The following CHST11 variants were observed in gnomAD, a reference collection of about 807,000 sequenced individuals.
CHST11 encodes carbohydrate sulfotransferase 11.
CHST11 carries 9 observed loss-of-function variants against 30.4 expected under a neutral mutation model. The observed-to-expected ratio is 0.30, with a 90% CI of 0.18 to 0.52. CHST11 has a LOEUF of 0.52. Ranked by LOEUF, CHST11 falls within the 20% of genes least tolerant of loss-of-function variation. The probability of loss-of-function intolerance (pLI) is 0.97; values close to 1 mark genes in which losing one functional copy is unlikely to be tolerated. For synonymous variants in CHST11, 152 were observed against 187.8 expected, an observed-to-expected ratio of 0.81 and a Z score of 1.56; for missense variants, 348 against 460.6, an observed-to-expected ratio of 0.76 and a Z score of 2.24.
Position 104,476,146 on chromosome 12 carries a change from TAATA to T in CHST11, c.118+18622_118+18625del, listed in dbSNP as rs1354913129. Among the ~76,000 whole-genome samples the T allele has an allele frequency of 2.9e-3, 419 of 145,002 alleles. 4 individuals are homozygous for T. The highest frequency in any genetic ancestry group is 0.01 in the African/African-American group (400 of 39,922). On this transcript the variant is annotated intron_variant, in intron 1 of 2. Transcript: ENST00000303694. ...ATATAATATAATATATTATATATTA[TAATA>T]AATATATAAATAAATAGAATTATAA...
intron 1 of CHST11, among the ~76,000 whole-genome samples, chr12:104,523,286 T>C (rs559487413): frequency 1.3e-5 from 2 of 152,364 alleles, no homozygotes; most frequent in East Asian, 3.9e-4. Flanking sequence ...GGCTTAATAC[T>C]GGGAGAATTC....
At chr12:104,705,334 A>T (rs1010952794) in intron 2 of CHST11, among the ~76,000 whole-genome samples, 1 of 152,140 alleles carries the variant, frequency 6.6e-6, no homozygotes, top group Non-Finnish European at 1.5e-5. Flanking sequence ...CCGTTTTATT[A>T]TCTCTAGAAT....
At chr12:104,687,061 A>T (rs533710097) in intron 2 of CHST11, among the ~76,000 whole-genome samples, 1 of 152,374 alleles carries the variant, frequency 6.6e-6, no homozygotes, top group African/African-American at 2.4e-5. Context: ...GCCAAGGCTC[A>T]TGGTCCTTCT....
At chr12:104,756,301 G>A (rs2463438) in intron 2 of CHST11, among the ~76,000 whole-genome samples, 94,145 of 151,880 alleles carry the variant, frequency 0.62, 29,596 homozygotes, top group Middle Eastern at 0.73. Context: ...TTCCTGTTCT[G>A]GGTAGACTGT....
intron 2 of CHST11, among the ~76,000 whole-genome samples, chr12:104,654,982 A>G (rs997735185): frequency 5.9e-5 from 9 of 152,162 alleles, no homozygotes; most frequent in Non-Finnish European, 1.3e-4. Context: ...GCACTTAAGG[A>G]ACACACATGT....
chr12:104,669,140 T>A (rs2039667424), intron 2 of CHST11, among the ~76,000 whole-genome samples: 1 of 152,148 alleles, frequency 6.6e-6, no homozygotes, highest in Non-Finnish European at 1.5e-5. Flanking sequence ...AATCGCCCGC[T>A]GTGTCTCCTG....
At chr12:104,606,232 T>A (rs370133728) in intron 2 of CHST11, among the ~76,000 whole-genome samples, 9 of 151,262 alleles carry the variant, frequency 5.9e-5, no homozygotes, top group African/African-American at 1.9e-4. Context: ...AGGCCCCCAC[T>A]GAAATCTCTG....
At chr12:104,474,263 C>CA (rs1230666076) in intron 1 of CHST11, among the ~76,000 whole-genome samples, 1 of 152,104 alleles carries the variant, frequency 6.6e-6, no homozygotes, top group Non-Finnish European at 1.5e-5. Context: ...TTTTGCTATT[C>CA]AAAAATGGAA....
chr12:104,520,478 A>G (rs2038064248), intron 1 of CHST11, among the ~76,000 whole-genome samples: 2 of 152,124 alleles, frequency 1.3e-5, no homozygotes, highest in South Asian at 4.1e-4. Flanking sequence ...CTACTTAGCC[A>G]CTTGTGTAAC....
chr12:104,464,857 A>C (rs2037443621), intron 1 of CHST11, among the ~76,000 whole-genome samples: 1 of 152,240 alleles, frequency 6.6e-6, no homozygotes, highest in Non-Finnish European at 1.5e-5. Context: ...GATGAAATGG[A>C]TCAGCGCTCT....
At chr12:104,559,547 A>T (rs1338353419) in intron 1 of CHST11, among the ~76,000 whole-genome samples, 1 of 152,192 alleles carries the variant, frequency 6.6e-6, no homozygotes, top group Non-Finnish European at 1.5e-5. Context: ...GTTCGAGACC[A>T]GCCTGACCAA....
chr12:104,488,406 G>A (rs1331067063), intron 1 of CHST11, among the ~76,000 whole-genome samples: 1 of 142,286 alleles, frequency 7.0e-6, no homozygotes, highest in Admixed American at 7.0e-5. Context: ...CGTGTGTCCA[G>A]GTATGTGTAT....
rs545936866 is a variant in CHST11 at position 104,473,454 on chromosome 12, A to G, written c.118+15925A>G. ...CGCAGGGAAGAGAGTTTCTTGCTTC[A>G]GTGGGAGCTCATGGGTGTATCCGGG... On this transcript the variant is annotated intron_variant, in intron 1 of 2. Coordinates refer to ENST00000303694, the MANE Select transcript of CHST11 (RefSeq NM_018413.6). 6.6e-5 allele frequency among the ~76,000 whole-genome samples: 10 copies of G among 152,266 alleles called. No homozygotes were observed. In the South Asian group the frequency reaches 1.9e-3, roughly 28 times the overall value.
chr12:104,627,268 T>A (rs890720441), intron 2 of CHST11, among the ~76,000 whole-genome samples: 8 of 152,214 alleles, frequency 5.3e-5, no homozygotes, highest in Non-Finnish European at 1.0e-4. Flanking sequence ...TGCTTCCAAG[T>A]TTTGGCAATT....
intron 1 of CHST11, among the ~76,000 whole-genome samples, chr12:104,547,841 A>G (rs1194607250): frequency 6.6e-6 from 1 of 152,188 alleles, no homozygotes; most frequent in Non-Finnish European, 1.5e-5. Flanking sequence ...GTGGATTAAA[A>G]AAAAGGACTT....
At chr12:104,565,635 G>A (rs974198048) in intron 1 of CHST11, among the ~76,000 whole-genome samples, 4 of 152,038 alleles carry the variant, frequency 2.6e-5, no homozygotes, top group East Asian at 1.9e-4. Flanking sequence ...GCACTAAGAC[G>A]CTCTATCACC....
chr12:104,710,981 T>C (rs984878613), intron 2 of CHST11, among the ~76,000 whole-genome samples: 3 of 152,220 alleles, frequency 2.0e-5, no homozygotes, highest in Non-Finnish European at 4.4e-5. Context: ...GAGTCTGCTT[T>C]TAGTCCAGGA....
chr12:104,515,360 C>T (rs1018100966), intron 1 of CHST11, among the ~76,000 whole-genome samples: 2 of 152,154 alleles, frequency 1.3e-5, no homozygotes, highest in East Asian at 1.9e-4. Flanking sequence ...ATGTGCCAGC[C>T]CCTGATGTAG....
chr12:104,605,873 A>G (rs1480483010), intron 2 of CHST11, among the ~76,000 whole-genome samples: 1 of 152,180 alleles, frequency 6.6e-6, no homozygotes, highest in Non-Finnish European at 1.5e-5. Flanking sequence ...AGGGCGAGAC[A>G]GCTTGTCCTT....
Sources: allele counts gnomAD v4.1 joint callset (sites outside exome capture counted in the v4.1 genomes callset), GRCh38; gene constraint gnomAD v4.1.1; transcripts MANE v1.5; gene names NCBI Gene and HGNC (gene_info 2026-07-23, HGNC 2026-07-21).